Variants in PTPRD observed in about 807,000 individuals in gnomAD.
The protein encoded by PTPRD is receptor-type tyrosine-protein phosphatase delta.
PTPRD carries 34 observed loss-of-function variants against 214.5 expected under a neutral mutation model. The ratio of observed to expected loss-of-function variants is 0.16; its 90% CI spans 0.12 to 0.21. The LOEUF (loss-of-function observed/expected upper bound fraction) is 0.21, where lower values mean the gene tolerates loss of function less well. Among genes scored for constraint, PTPRD ranks in the 10% least tolerant of loss-of-function variants. The pLI is 1.00. For missense variants in PTPRD, 2,545 were observed against 2,398.7 expected, an observed-to-expected ratio of 1.06 and a Z score of -1.27; for synonymous variants, 1,128 against 845.7, an observed-to-expected ratio of 1.33 and a Z score of -5.79.
intron 19 of PTPRD, among the ~76,000 whole-genome samples, chr9:8,522,616 C>T (rs1292033896): frequency 1.3e-5 from 2 of 152,182 alleles, no homozygotes; most frequent in African/African-American, 4.8e-5. Flanking sequence ...ATTAAAGCAA[C>T]ATAACACAGA....
intron 4 of PTPRD, among the ~76,000 whole-genome samples, chr9:9,957,643 C>T (rs909691756): frequency 2.0e-5 from 3 of 151,884 alleles, no homozygotes; most frequent in East Asian, 1.9e-4. Context: ...CTCTCATAAA[C>T]AAAAAGCAAA....
At chr9:9,881,044 G>A (rs566912277) in intron 5 of PTPRD, among the ~76,000 whole-genome samples, 9 of 152,218 alleles carry the variant, frequency 5.9e-5, no homozygotes, top group Admixed American at 1.3e-4. Context: ...GTTAAAGTAC[G>A]AGAATGTCTG....
intron 3 of PTPRD, among the ~76,000 whole-genome samples, chr9:10,202,738 A>G (rs532205810): frequency 2.7e-5 from 4 of 146,538 alleles, no homozygotes; most frequent in Non-Finnish European, 4.5e-5. Flanking sequence ...TTATATGTCA[A>G]TGTATGATGC....
At chr9:10,318,739 G>C (rs1207585102) in intron 3 of PTPRD, among the ~76,000 whole-genome samples, 1 of 152,028 alleles carries the variant, frequency 6.6e-6, no homozygotes, top group East Asian at 1.9e-4. Flanking sequence ...AGTTTCCAGA[G>C]TAGTTGGGGC....
intron 8 of PTPRD, among the ~76,000 whole-genome samples, chr9:9,547,429 A>C (rs1314171164): frequency 6.6e-6 from 1 of 152,086 alleles, no homozygotes; most frequent in Non-Finnish European, 1.5e-5. Context: ...TTTGGTTCTC[A>C]GAGCCAGGAC....
rs1346686850 is a variant in PTPRD at position 8,504,229 on chromosome 9, A to G, written c.1822+32T>C. The G allele has an allele frequency of 1.9e-6, 3 of 1,612,334 alleles. No homozygotes were observed. In the African/African-American group the frequency reaches 4.0e-5, roughly 22 times the overall value. Reference sequence around the variant, plus strand: ...AGCAACATCTCCCCGAGGAAATAAAAAGGCAGAAAGTAAGCAAAGAGAGAC... The same window carrying G: ...AGCAACATCTCCCCGAGGAAATAAAGAGGCAGAAAGTAAGCAAAGAGAGAC... On this transcript the variant is annotated intron_variant, in intron 23 of 45. Transcript: ENST00000381196.
chr9:9,863,800 A>C (rs920085254), intron 5 of PTPRD, among the ~76,000 whole-genome samples: 1 of 151,944 alleles, frequency 6.6e-6, no homozygotes, highest in African/African-American at 2.4e-5. Context: ...AGGTAGCAAG[A>C]ATTGCTATTC....
At chr9:9,416,011 TA>T (rs1225264225) in intron 8 of PTPRD, among the ~76,000 whole-genome samples, 1 of 152,158 alleles carries the variant, frequency 6.6e-6, no homozygotes, top group Non-Finnish European at 1.5e-5. Flanking sequence ...GAAATGTTTT[TA>T]AAAAACAAAC....
chr9:9,358,805 T>C (rs1238276841), intron 9 of PTPRD, among the ~76,000 whole-genome samples: 2 of 151,418 alleles, frequency 1.3e-5, no homozygotes, highest in Middle Eastern at 6.8e-3. Flanking sequence ...ATCATTAACG[T>C]CATTAAGCTG....
At chr9:10,146,521 G>T (rs16931176) in intron 3 of PTPRD, among the ~76,000 whole-genome samples, 16,763 of 152,068 alleles carry the variant, frequency 0.11, 1,110 homozygotes, top group African/African-American at 0.16. Flanking sequence ...AATGCAGGTT[G>T]TGCCAAGAAG....
At chr9:10,607,228 A>T (rs886726396) in intron 2 of PTPRD, among the ~76,000 whole-genome samples, 1 of 151,872 alleles carries the variant, frequency 6.6e-6, no homozygotes, top group Non-Finnish European at 1.5e-5. Flanking sequence ...TACTTATTAT[A>T]ATATAGTATT....
chr9:8,632,190 T>A (rs988302569), intron 14 of PTPRD, among the ~76,000 whole-genome samples: 3 of 151,016 alleles, frequency 2.0e-5, no homozygotes, highest in Admixed American at 6.7e-5. Context: ...CCAGGTAAAT[T>A]TGACCTACAT....
chr9:10,400,134 G>A (rs73404288), intron 2 of PTPRD, among the ~76,000 whole-genome samples: 5,616 of 151,706 alleles, frequency 0.037, 336 homozygotes, highest in African/African-American at 0.12. Context: ...TTCAATTCTC[G>A]TCTCCTTCAC....
chr9:9,300,068 T>G (rs1954700452), intron 9 of PTPRD, among the ~76,000 whole-genome samples: 1 of 150,608 alleles, frequency 6.6e-6, no homozygotes, highest in Non-Finnish European at 1.5e-5. Flanking sequence ...TGTCCACCTC[T>G]ATGGCCACTG....
At chr9:8,601,717 C>T (rs2094879479) in intron 14 of PTPRD, among the ~76,000 whole-genome samples, 1 of 152,196 alleles carries the variant, frequency 6.6e-6, no homozygotes, top group Non-Finnish European at 1.5e-5. Context: ...ATTGTTTTTC[C>T]TACTGATTGA....
At chr9:8,340,231 G>A (rs1851216093) in intron 42 of PTPRD, 112 bp downstream of exon 42, 7 of 1,248,012 alleles carry the variant, frequency 5.6e-6, no homozygotes, top group Admixed American at 4.3e-5. Flanking sequence ...TATGTCCAGA[G>A]TGCACTGCAT....
intron 8 of PTPRD, among the ~76,000 whole-genome samples, chr9:9,542,031 A>C (rs990840202): frequency 6.6e-6 from 1 of 151,856 alleles, no homozygotes; most frequent in Non-Finnish European, 1.5e-5. Context: ...GAGACAACAC[A>C]GTAGAGAAAA....
chr9:10,075,219 CCTACTTG>C (rs1242956042), intron 3 of PTPRD, among the ~76,000 whole-genome samples: 1 of 151,960 alleles, frequency 6.6e-6, no homozygotes, highest in Non-Finnish European at 1.5e-5. Flanking sequence ...TTACTGAAAA[CCTACTTG>C]CTAAAAATGA....
intron 9 of PTPRD, among the ~76,000 whole-genome samples, chr9:9,230,097 T>G (rs1348966985): frequency 6.6e-6 from 1 of 152,122 alleles, no homozygotes; most frequent in Admixed American, 6.6e-5. Context: ...TGTCCTCTGT[T>G]CCCGACTGAT....
Sources: gnomAD v4.1 joint callset for allele counts (sites outside exome capture counted in the v4.1 genomes callset) on GRCh38, gnomAD v4.1.1 for gene constraint, MANE v1.5 for transcripts, NCBI Gene and HGNC (gene_info 2026-07-23, HGNC 2026-07-21) for gene names.